ATP8B4: variants seen among roughly 807,000 people sequenced by gnomAD.
ATP8B4 encodes ATPase phospholipid transporting 8B4 (putative).
Under a neutral mutation model 145.6 loss-of-function variants are expected in ATP8B4, and 133 were observed. The observed-to-expected ratio is 0.91, with a 90% CI of 0.79 to 1.05. The LOEUF (loss-of-function observed/expected upper bound fraction) is 1.05. Ranked by LOEUF, ATP8B4 falls within the 50% of genes least tolerant of loss-of-function variation. The probability of loss-of-function intolerance (pLI) is 0.00; values close to 1 mark genes in which losing one functional copy is unlikely to be tolerated. For missense variants in ATP8B4, 1,458 were observed against 1,425.2 expected, an observed-to-expected ratio of 1.02 and a Z score of -0.37; for synonymous variants, 507 against 492.9, an observed-to-expected ratio of 1.03 and a Z score of -0.38.
chr15:50,125,289 C>CTCCTTA (rs1317666798), intron 1 of ATP8B4, among the ~76,000 whole-genome samples: 1 of 152,168 alleles, frequency 6.6e-6, no homozygotes, highest in Non-Finnish European at 1.5e-5. Flanking sequence ...GCCCCATTTT[C>CTCCTTA]TCCTTAGCAA....
chr15:50,081,367 C>CA (rs1287016692), intron 2 of ATP8B4, among the ~76,000 whole-genome samples: 2 of 151,902 alleles, frequency 1.3e-5, no homozygotes, highest in African/African-American at 4.8e-5. Flanking sequence ...AGTAAATGGG[C>CA]AAAAAAGGAA....
intron 5 of ATP8B4, among the ~76,000 whole-genome samples, chr15:50,043,878 G>A (rs982536904): frequency 9.3e-5 from 14 of 151,342 alleles, no homozygotes; most frequent in South Asian, 4.2e-4. Context: ...GCGTGAACCC[G>A]GGAAGCGGAG....
intron 1 of ATP8B4, among the ~76,000 whole-genome samples, chr15:50,178,524 T>C (rs2044797647): frequency 1.3e-5 from 2 of 152,162 alleles, no homozygotes; most frequent in South Asian, 2.1e-4. Context: ...ATTTGTAAGA[T>C]TATTTTGTTT....
chr15:50,146,549 G>C (rs1402726736), intron 1 of ATP8B4, among the ~76,000 whole-genome samples: 1 of 152,196 alleles, frequency 6.6e-6, no homozygotes, highest in South Asian at 2.1e-4. Flanking sequence ...GTTTGTCTTT[G>C]GTAGTGGTAT....
intron 16 of ATP8B4, among the ~76,000 whole-genome samples, chr15:49,930,371 G>C (rs980923493): frequency 3.3e-5 from 5 of 151,962 alleles, no homozygotes; most frequent in African/African-American, 1.2e-4. Context: ...GAGAACTTGA[G>C]GAAACAGCCA....
At chr15:49,901,020 A>C (rs1050888011) in intron 21 of ATP8B4, 72 bp downstream of exon 21, 3 of 1,537,692 alleles carry the variant, frequency 2.0e-6, no homozygotes, top group African/African-American at 2.8e-5. Flanking sequence ...AGGAGGTCTC[A>C]TTATGATAGC....
chr15:50,013,115 G>C (rs1230743356), intron 6 of ATP8B4, among the ~76,000 whole-genome samples: 1 of 152,058 alleles, frequency 6.6e-6, no homozygotes, highest in Non-Finnish European at 1.5e-5. Context: ...AATCCCAGCA[G>C]AACTGGAGGG....
chr15:50,175,895 A>C (rs184774102), intron 1 of ATP8B4, among the ~76,000 whole-genome samples: 5 of 152,320 alleles, frequency 3.3e-5, no homozygotes, highest in African/African-American at 9.6e-5. Flanking sequence ...AGATACTTGC[A>C]CACGCATGTT....
chr15:50,006,881 C>T (rs2048340265), intron 7 of ATP8B4, among the ~76,000 whole-genome samples: 1 of 152,122 alleles, frequency 6.6e-6, no homozygotes, highest in Non-Finnish European at 1.5e-5. Flanking sequence ...GAAAGGTACA[C>T]CTGGCTCCCA....
intron 2 of ATP8B4, among the ~76,000 whole-genome samples, chr15:50,105,281 C>T (rs527518078): frequency 8.2e-5 from 12 of 145,724 alleles, no homozygotes; most frequent in Non-Finnish European, 1.2e-4. Context: ...AAAGACCCCA[C>T]GTGTGTGTTT....
At position 49,866,614 on chromosome 15, in the gene ATP8B4, G is replaced by A. The variant is rs948057727; in HGVS notation, c.3028-130C>T. The A allele has an allele frequency of 6.6e-5, 68 of 1,034,752 alleles. No homozygotes were observed. In the East Asian group the frequency reaches 8.3e-4, roughly 13 times the overall value. 64.1% of individuals were successfully genotyped at this position (1,034,752 alleles called of 1,614,324 possible). ...CCTGCCTAGTTGCCAAGCCAACCGC[G>A]GGCATCCCCACTTTCTGAACACACA... On this transcript the variant is annotated intron_variant, in intron 25 of 27. Transcript: ENST00000284509.
chr15:50,074,004 G>A (rs2054014236), intron 3 of ATP8B4, 123 bp downstream of exon 3: 1 of 669,798 alleles, frequency 1.5e-6, no homozygotes, highest in Non-Finnish European at 2.6e-6. Context: ...ATGTCACCTT[G>A]CTGTCAAAAT....
At chr15:49,964,747 G>A (rs2044375027) in intron 13 of ATP8B4, among the ~76,000 whole-genome samples, 1 of 152,158 alleles carries the variant, frequency 6.6e-6, no homozygotes, top group African/African-American at 2.4e-5. Flanking sequence ...CAAAAATCTT[G>A]TGAAAGTCAA....
At chr15:49,942,229 A>G (rs1187822156) in intron 14 of ATP8B4, among the ~76,000 whole-genome samples, 1 of 152,134 alleles carries the variant, frequency 6.6e-6, no homozygotes, top group Non-Finnish European at 1.5e-5. Context: ...AGAAACCTCT[A>G]TAGGAATCAT....
chr15:49,919,024 A>G, intron 18 of ATP8B4, 74 bp from the exon 19 acceptor site: 1 of 1,106,506 alleles, frequency 9.0e-7, no homozygotes, highest in Non-Finnish European at 1.3e-6. Context: ...GATTTCACTC[A>G]CAGATTCTGG....
chr15:50,150,206 C>T (rs1039128373), intron 1 of ATP8B4, among the ~76,000 whole-genome samples: 4 of 152,090 alleles, frequency 2.6e-5, no homozygotes, highest in African/African-American at 9.7e-5. Context: ...CAGTGAGTTG[C>T]TGGGCAAATG....
intron 7 of ATP8B4, among the ~76,000 whole-genome samples, chr15:50,005,920 C>T (rs28692485): frequency 0.02 from 2,943 of 148,128 alleles, 110 homozygotes; most frequent in African/African-American, 0.075. Context: ...ACTTTTGGAT[C>T]GCCTTTTATT....
intron 14 of ATP8B4, among the ~76,000 whole-genome samples, chr15:49,939,819 T>C (rs1247083489): frequency 1.3e-5 from 2 of 151,940 alleles, no homozygotes; most frequent in African/African-American, 4.8e-5. Context: ...TACAGGCCAA[T>C]ATCAGAGAAA....
At chr15:50,171,841 A>G (rs752819382) in intron 1 of ATP8B4, among the ~76,000 whole-genome samples, 6 of 150,764 alleles carry the variant, frequency 4.0e-5, no homozygotes, top group Non-Finnish European at 7.4e-5. Context: ...AAAAGAAAAG[A>G]AAAAAAAATC....
Sources: gnomAD v4.1 joint callset for allele counts (sites outside exome capture counted in the v4.1 genomes callset) on GRCh38, gnomAD v4.1.1 for gene constraint, MANE v1.5 for transcripts, NCBI Gene and HGNC (gene_info 2026-07-23, HGNC 2026-07-21) for gene names.